Variants in SRP68 observed in about 807,000 individuals in gnomAD.
SRP68 encodes the protein signal recognition particle 68, also known as signal recognition particle subunit SRP68.
A neutral mutation model predicts 82.2 loss-of-function variants in SRP68; 15 were observed. That is an observed-to-expected ratio of 0.18 (90% CI 0.12 to 0.28). The LOEUF (loss-of-function observed/expected upper bound fraction) is 0.28. Ranked by LOEUF, SRP68 falls within the 10% of genes least tolerant of loss-of-function variation. The probability of loss-of-function intolerance (pLI) is 1.00; values close to 1 mark genes in which losing one functional copy is unlikely to be tolerated. For synonymous variants in SRP68, 261 were observed against 292.6 expected, an observed-to-expected ratio of 0.89 and a Z score of 1.10; for missense variants, 595 against 780.5, an observed-to-expected ratio of 0.76 and a Z score of 2.83.
Position 76,057,371 on chromosome 17 carries a change from A to G in SRP68, c.978+32T>C, listed in dbSNP as rs367703567. ...CACAGGACAACCTTCAGACACATAC[A>G]GAAGACAGCACAGTAAGTTCTTCCT... On this transcript the variant is annotated intron_variant, in intron 8 of 15. Transcript: ENST00000307877. The G allele has an allele frequency of 3.7e-6, 6 of 1,613,494 alleles. No homozygotes were observed. In the South Asian group the frequency reaches 4.4e-5, roughly 12 times the overall value.
Position 76,070,437 on chromosome 17 carries a change from C to A in SRP68, c.192G>T (p.Gln64His), listed in dbSNP as rs2066842317. The A allele has an allele frequency of 6.2e-7, 1 of 1,613,866 alleles. No individual in the cohort carries two copies. Among genetic ancestry groups the A allele is most frequent in the South Asian group, 1.1e-5 (1 of 91,078 alleles). The change falls in exon 2 of 16, where the codon CAG (glutamine) becomes CAT (histidine). Residue 64 changes from glutamine (Q) to histidine (H), a missense_variant. Coordinates refer to ENST00000307877, the MANE Select transcript of SRP68 (RefSeq NM_014230.4). ...FGDSLSLEILQIIKESQQQHG... is the reference protein window; with the variant it reads ...FGDSLSLEILHIIKESQQQHG... ...GCTGCTGCTGGGATTCCTTAATAAT[C>A]TGAAGAACTAGAGTCGAGATTAAGG...
rs764202545 is a variant in SRP68, at chr17:76,072,331, A to G, written c.161T>C (p.Phe54Ser). 7 of 1,612,176 alleles carry G rather than the reference A, an allele frequency of 4.3e-6. No individual in the cohort carries two copies. In the East Asian group the frequency reaches 6.7e-5, roughly 15 times the overall value. ...ACTCTCCAAACTCAGGCTATCCCCAAATTCTTTGTTTGCCTTCGATCCGGC... is the reference window on the plus strand; with the variant it reads ...ACTCTCCAAACTCAGGCTATCCCCAGATTCTTTGTTTGCCTTCGATCCGGC... Reference protein sequence around the residue: ...PSAGSKANKEFGDSLSLEILQ... With the variant: ...PSAGSKANKESGDSLSLEILQ... The change falls in exon 1 of 16, where the codon TTT (phenylalanine) becomes TCT (serine). Residue 54 changes from phenylalanine (F) to serine (S), a missense_variant. Phe to Ser is a radical substitution (Grantham distance 155). This residue lies in a region of SRP68 where 100 missense variants were observed against 91.9 expected (regional missense o/e 1.09). Transcript: ENST00000307877. This position sits in a 1 kb window ranked among gnomAD's most constrained non-coding sequence, Gnocchi z 4.5.
chr17:76,050,724 G>T (rs2066666081), intron 8 of SRP68, among the ~76,000 whole-genome samples, 198 bp from the exon 9 acceptor site: 1 of 64,526 alleles, frequency 1.5e-5, no homozygotes, highest in South Asian at 3.6e-4. Flanking sequence ...TATTCATATG[G>T]AAAGGGGAGT....
chr17:76,065,271 G>C (rs1376059120), intron 3 of SRP68, among the ~76,000 whole-genome samples: 3 of 151,738 alleles, frequency 2.0e-5, no homozygotes, highest in Admixed American at 2.0e-4. Context: ...TCAGCACAGC[G>C]AGATCCCATC....
intron 8 of SRP68, among the ~76,000 whole-genome samples, chr17:76,053,261 G>T (rs2066688130): frequency 1.0e-5 from 1 of 96,294 alleles, no homozygotes; most frequent in Admixed American, 1.3e-4. Flanking sequence ...GTGAGACCCT[G>T]TCTCAAAAAA....
intron 13 of SRP68, 115 bp downstream of exon 13, chr17:76,043,714 G>A: frequency 8.5e-7 from 1 of 1,175,708 alleles, no homozygotes; most frequent in Non-Finnish European, 1.2e-6. Flanking sequence ...GGTCCCACGG[G>A]CAGCCAGGGA....
At chr17:76,065,291 GAA>G (rs1028484019) in intron 3 of SRP68, among the ~76,000 whole-genome samples, 1 of 151,470 alleles carries the variant, frequency 6.6e-6, no homozygotes, top group Non-Finnish European at 1.5e-5. Flanking sequence ...CTTTACAAAA[GAA>G]AAAAAGAGAA....
chr17:76,049,768 G>T (rs1306549609), intron 9 of SRP68: 4 of 152,174 alleles, frequency 2.6e-5, no homozygotes. Flanking sequence ...TGCATCAGTG[G>T]TGCAGGCTCA....
rs866200871 is a variant in SRP68, at chr17:76,047,931, C to A, written c.1117G>T (p.Val373Leu). 1 of 1,573,800 alleles carries A rather than the reference C, an allele frequency of 6.4e-7. No homozygotes were observed. Among genetic ancestry groups the A allele is most frequent in the Non-Finnish European group, 8.6e-7 (1 of 1,157,182 alleles). The change falls in exon 10 of 16, where the codon GTG becomes TTG. Residue 373 changes from valine to leucine, a missense_variant. By Grantham distance (32) the Val-to-Leu change is conservative (BLOSUM62 1). This residue lies in a region of SRP68 where 495 missense variants were observed against 688.6 expected (regional missense o/e 0.72). Transcript: ENST00000307877. ...CTATGCAAGTATTGAAGATTAGACA[C>A]CTTCCCTGGCTCTCCTTCAAGGATA... Reference protein sequence around the residue: ...DYILEGEPGKVSNLQYLHSYL... With the variant: ...DYILEGEPGKLSNLQYLHSYL...
chr17:76,044,308 C>T (rs1352435223), intron 12 of SRP68, among the ~76,000 whole-genome samples: 1 of 152,220 alleles, frequency 6.6e-6, no homozygotes, highest in African/African-American at 2.4e-5. Flanking sequence ...CCCATCCACA[C>T]ACCCAAGTCG....
chr17:76,046,481 A>C (rs1219497594), intron 10 of SRP68, among the ~76,000 whole-genome samples: 10 of 38,634 alleles, frequency 2.6e-4, no homozygotes, highest in Admixed American at 7.8e-4. Context: ...AAAAAAAAAA[A>C]AAACAAAAAA....
chr17:76,046,211 G>A lies in SRP68; in HGVS notation c.1143-17C>T. ...GTCAGGTAGCTGGAATGCACCACAA[G>A]TCAGCTCAAGTTATACTCAGAGAAG... is the stretch of plus-strand genomic sequence containing the variant. On this transcript the variant is annotated splice_polypyrimidine_tract_variant and intron_variant, in intron 10 of 15. Transcript: ENST00000307877. 1 of 1,613,126 alleles carries A rather than the reference G, an allele frequency of 6.2e-7. No individual in the cohort carries two copies. The highest frequency in any genetic ancestry group is 8.5e-7 in the Non-Finnish European group (1 of 1,179,534).
chr17:76,067,638 T>C lies in SRP68; in HGVS notation c.252-308A>G, dbSNP rs550783542. 2.4e-3 allele frequency among the ~76,000 whole-genome samples: 367 copies of C among 152,214 alleles called. 3 individuals carry two copies. Among genetic ancestry groups the C allele is most frequent in the Non-Finnish European group, 3.1e-3 (214 of 67,998 alleles). On this transcript the variant is annotated intron_variant, in intron 2 of 15. Transcript: ENST00000307877. ...TACCACCACACATGGCTAATTTTTG[T>C]ACTTTTTGTAGAGACAGGGTTTCAC...
intron 12 of SRP68, 110 bp downstream of exon 12, chr17:76,045,177 CAAGGT>C (rs2066620249): frequency 5.3e-6 from 4 of 760,588 alleles, no homozygotes; most frequent in Non-Finnish European, 8.9e-6. Flanking sequence ...TGATCACAGG[CAAGGT>C]AACCATACAC....
intron 8 of SRP68, among the ~76,000 whole-genome samples, chr17:76,052,975 C>A (rs1482133132): frequency 1.4e-5 from 2 of 147,088 alleles, no homozygotes; most frequent in African/African-American, 5.0e-5. Flanking sequence ...AAGAAACACA[C>A]ATGGCGTCGG....
At chr17:76,055,082 G>A (rs1021426505) in intron 8 of SRP68, among the ~76,000 whole-genome samples, 7 of 151,160 alleles carry the variant, frequency 4.6e-5, no homozygotes, top group African/African-American at 1.5e-4. Context: ...TCAGCCTCCC[G>A]AGTAGCTGGG....
At chr17:76,069,959 C>T (rs1199093507) in intron 2 of SRP68, among the ~76,000 whole-genome samples, 1 of 151,718 alleles carries the variant, frequency 6.6e-6, no homozygotes, top group African/African-American at 2.4e-5. Context: ...TGCCTATAAT[C>T]CCAGGTACTC....
chr17:76,068,839 A>G (rs952149970), intron 2 of SRP68, among the ~76,000 whole-genome samples: 1 of 152,162 alleles, frequency 6.6e-6, no homozygotes, highest in African/African-American at 2.4e-5. Flanking sequence ...CCGGGGCTTA[A>G]GCAATTCTCG....
intron 13 of SRP68, chr17:76,043,240 G>C (rs2066604775): frequency 6.6e-6 from 1 of 152,194 alleles, no homozygotes; most frequent in African/African-American, 2.4e-5. Flanking sequence ...ATTCCAGCCT[G>C]GGTGACAGAG....
Sources: allele counts gnomAD v4.1 joint callset (sites outside exome capture counted in the v4.1 genomes callset), GRCh38; gene constraint gnomAD v4.1.1; regional missense constraint gnomAD v4.1.1; non-coding constraint Gnocchi (gnomAD v3.1); transcripts MANE v1.5; gene names NCBI Gene and HGNC (gene_info 2026-07-23, HGNC 2026-07-21).